The following TTC13 variants were observed in gnomAD, a reference collection of about 807,000 sequenced individuals.
TTC13 encodes the protein tetratricopeptide repeat protein 13.
In TTC13, 62 loss-of-function variants were observed where a neutral mutation model predicts 120.0. The observed-to-expected ratio is 0.52, with a 90% CI of 0.42 to 0.64. TTC13 has a LOEUF of 0.64. Among genes scored for constraint, TTC13 ranks in the 30% least tolerant of loss-of-function variants. The probability of loss-of-function intolerance (pLI) is 0.00; values close to 1 mark genes in which losing one functional copy is unlikely to be tolerated. For synonymous variants in TTC13, 384 were observed against 393.5 expected (o/e 0.98, Z 0.28); for missense variants, 824 against 1,050.2 (o/e 0.78, Z 2.98).
intron 1 of TTC13, among the ~76,000 whole-genome samples, chr1:230,973,778 T>G (rs1283540172): frequency 6.6e-6 from 1 of 152,176 alleles, no homozygotes; most frequent in Admixed American, 6.5e-5. Flanking sequence ...AGTTTAGCTT[T>G]GGTAAGAAGA....
At chr1:230,908,602 A>G in intron 22 of TTC13, 110 bp downstream of exon 22, 2 of 792,218 alleles carry the variant, frequency 2.5e-6, no homozygotes, top group East Asian at 2.7e-5. Context: ...ATATTAACTT[A>G]TAAAAATGAG....
At chr1:230,945,350 A>C (rs753279340) in intron 5 of TTC13, 39 bp downstream of exon 5, 1 of 1,576,094 alleles carries the variant, frequency 6.3e-7, no homozygotes, top group South Asian at 1.1e-5. Flanking sequence ...GTGTCAGGTC[A>C]TGTAGGCGCT....
At chr1:230,921,663 G>A (rs1672588826) in intron 15 of TTC13, among the ~76,000 whole-genome samples, 159 bp from the exon 16 acceptor site, 1 of 152,216 alleles carries the variant, frequency 6.6e-6, no homozygotes, top group South Asian at 2.1e-4. Context: ...AATGAGTGGT[G>A]AAGCAAAGCA....
At chr1:230,929,531 G>A (rs956854143) in intron 11 of TTC13, among the ~76,000 whole-genome samples, 8 of 152,238 alleles carry the variant, frequency 5.3e-5, no homozygotes, top group Non-Finnish European at 8.8e-5. Flanking sequence ...AGCCAGGATG[G>A]TCTCGATCTC....
At chr1:230,957,199 G>A (rs1023654758) in intron 3 of TTC13, among the ~76,000 whole-genome samples, 5 of 152,200 alleles carry the variant, frequency 3.3e-5, no homozygotes, top group African/African-American at 1.2e-4. Flanking sequence ...CACCCTGGGA[G>A]GCCAAGGCAG....
At chr1:230,961,106 A>C (rs1676594670) in intron 2 of TTC13, 103 bp downstream of exon 2, 1 of 797,510 alleles carries the variant, frequency 1.3e-6, no homozygotes. Flanking sequence ...ATGTAGACTC[A>C]ACGAGGCCCA....
intron 19 of TTC13, among the ~76,000 whole-genome samples, chr1:230,912,287 C>T (rs537605370): frequency 9.9e-5 from 15 of 152,072 alleles, no homozygotes; most frequent in Admixed American, 2.6e-4. Flanking sequence ...TGTAAATATA[C>T]GGTTATAAGC....
chr1:230,931,172 C>T, intron 11 of TTC13, 126 bp downstream of exon 11: 1 of 860,510 alleles, frequency 1.2e-6, no homozygotes, highest in Non-Finnish European at 1.8e-6. Flanking sequence ...CAAGGTGTGG[C>T]TGTGGATGAG....
intron 1 of TTC13, among the ~76,000 whole-genome samples, chr1:230,976,495 G>A (rs1678322501): frequency 6.6e-6 from 1 of 152,224 alleles, no homozygotes; most frequent in Non-Finnish European, 1.5e-5. Flanking sequence ...CAGGAAAGCT[G>A]AGGGAAACAG....
At chr1:230,959,445 G>A (rs895232243) in intron 2 of TTC13, among the ~76,000 whole-genome samples, 1 of 151,684 alleles carries the variant, frequency 6.6e-6, no homozygotes, top group Admixed American at 6.6e-5. Flanking sequence ...GCAATGGCAC[G>A]ATCTCGGCTC....
intron 4 of TTC13, among the ~76,000 whole-genome samples, chr1:230,945,949 C>A (rs1433157775): frequency 1.3e-5 from 2 of 152,220 alleles, no homozygotes; most frequent in Admixed American, 1.3e-4. Flanking sequence ...GCACTGAAAT[C>A]TGTTGGAGAT....
intron 17 of TTC13, 152 bp from the exon 18 acceptor site, chr1:230,916,454 A>G: frequency 1.5e-6 from 1 of 656,878 alleles, no homozygotes; most frequent in East Asian, 2.7e-5. Flanking sequence ...GGCCAAGGAC[A>G]TCTCTGCCTG....
intron 22 of TTC13, among the ~76,000 whole-genome samples, chr1:230,907,395 A>G (rs1338491172): frequency 1.3e-5 from 2 of 152,250 alleles, no homozygotes; most frequent in African/African-American, 2.4e-5. Context: ...TCACAGGGAC[A>G]GTGTTCTTAA....
intron 21 of TTC13, 73 bp from the exon 22 acceptor site, chr1:230,908,864 C>T (rs533733369): frequency 6.2e-6 from 10 of 1,605,180 alleles, no homozygotes; most frequent in South Asian, 1.1e-5. Context: ...CTATGTAACT[C>T]GTGTACCTTA....
At chr1:230,908,641 C>G in intron 22 of TTC13, 71 bp downstream of exon 22, 2 of 1,296,498 alleles carry the variant, frequency 1.5e-6, no homozygotes, top group Non-Finnish European at 1.1e-6. Flanking sequence ...CATAGCGCTC[C>G]AAAGTAACAG....
intron 9 of TTC13, among the ~76,000 whole-genome samples, chr1:230,933,374 C>T (rs528790831): frequency 7.2e-5 from 11 of 152,196 alleles, no homozygotes; most frequent in Admixed American, 2.0e-4. Context: ...TCATTCTCAG[C>T]AGATGTACAT....
intron 11 of TTC13, among the ~76,000 whole-genome samples, chr1:230,931,028 T>C (rs1466713024): frequency 6.6e-6 from 1 of 152,248 alleles, no homozygotes; most frequent in Non-Finnish European, 1.5e-5. Context: ...TTGTCACATT[T>C]AGTTCAAAAT....
intron 4 of TTC13, 66 bp downstream of exon 4, chr1:230,954,267 G>C (rs1333596264): frequency 4.4e-6 from 5 of 1,132,234 alleles, no homozygotes; most frequent in Non-Finnish European, 6.6e-6. Context: ...CACTTCAGCT[G>C]TTCATTAGTC....
chr1:230,929,057 G>A lies in TTC13; in HGVS notation c.1337C>T (p.Pro446Leu), dbSNP rs768497957. 2 of 1,614,010 alleles carry A rather than the reference G, an allele frequency of 1.2e-6. No individual in the cohort carries two copies. Among genetic ancestry groups the A allele is most frequent in the South Asian group, 1.1e-5 (1 of 91,070 alleles). The change falls in exon 12 of 23, where the codon CCC becomes CTC. Residue 446 changes from proline to leucine, a missense_variant. Physicochemically the swap from Pro to Leu is moderately conservative, Grantham distance 98. Around this residue, in one of 4 missense-constraint regions of TTC13, gnomAD observed 430 missense variants for 626.8 expected, o/e 0.69. Transcript: ENST00000366661. ...SRYLHAHLDT[P>L]LTEYNIDVDL... ...CACATCAATGTTATATTCCGTAAGG[G>A]GGGTATCAAGGTGTGCATGAAGATA...
Sources: gnomAD v4.1 joint callset for allele counts (sites outside exome capture counted in the v4.1 genomes callset) on GRCh38, gnomAD v4.1.1 for gene constraint, gnomAD v4.1.1 regional missense constraint, MANE v1.5 for transcripts, NCBI Gene and HGNC (gene_info 2026-07-23, HGNC 2026-07-21) for gene names.